The following TCF12 variants were observed in gnomAD, a reference collection of about 807,000 sequenced individuals.
TCF12 encodes DNA-binding protein HTF4.
In TCF12, 45 loss-of-function variants were observed where a neutral mutation model predicts 86.0. The observed-to-expected ratio is 0.52, with a 90% CI of 0.41 to 0.67. TCF12 has a LOEUF of 0.67. Ranked by LOEUF, TCF12 falls within the 30% of genes least tolerant of loss-of-function variation. TCF12 has a pLI of 0.00. For missense variants in TCF12, 881 were observed against 859.9 expected (o/e 1.02, Z -0.31); for synonymous variants, 330 against 299.6 (o/e 1.10, Z -1.05).
At chr15:57,238,082 T>A (rs1261509407) in intron 12 of TCF12, among the ~76,000 whole-genome samples, 1 of 152,218 alleles carries the variant, frequency 6.6e-6, no homozygotes, top group Non-Finnish European at 1.5e-5. Context: ...GTGACTGTGA[T>A]GGATGAGTGG....
At chr15:57,005,304 A>G (rs1293964457) in intron 3 of TCF12, among the ~76,000 whole-genome samples, 1 of 150,982 alleles carries the variant, frequency 6.6e-6, no homozygotes, top group Non-Finnish European at 1.5e-5. Flanking sequence ...TTAATCTCCC[A>G]GAAGAATTCT....
chr15:57,038,922 C>CGGGATAGATAGATGACTAGGCCT (rs2066700864), intron 3 of TCF12, among the ~76,000 whole-genome samples: 1 of 152,066 alleles, frequency 6.6e-6, no homozygotes, highest in Non-Finnish European at 1.5e-5. Flanking sequence ...TGAGGGGACA[C>CGGGATAGATAGATGACTAGGCCT]GGGATAGATA....
chr15:57,164,205 C>T (rs1425160557), intron 5 of TCF12, among the ~76,000 whole-genome samples: 1 of 152,172 alleles, frequency 6.6e-6, no homozygotes, highest in Non-Finnish European at 1.5e-5. Context: ...TGAGACTTAA[C>T]CTCCATTCTC....
chr15:57,233,476 C>T (rs1334300487), intron 11 of TCF12, among the ~76,000 whole-genome samples: 1 of 152,016 alleles, frequency 6.6e-6, no homozygotes, highest in African/African-American at 2.4e-5. Context: ...GCACACGTGG[C>T]CTCTTTTTTT....
chr15:57,015,385 C>T (rs1222466904), intron 3 of TCF12, among the ~76,000 whole-genome samples: 1 of 152,230 alleles, frequency 6.6e-6, no homozygotes, highest in African/African-American at 2.4e-5. Context: ...TTTTGGTTTT[C>T]ATTCCCCATA....
intron 13 of TCF12, among the ~76,000 whole-genome samples, chr15:57,249,797 C>T (rs1385324846): frequency 2.0e-5 from 3 of 152,116 alleles, no homozygotes; most frequent in African/African-American, 7.2e-5. Context: ...CAAATTGTCA[C>T]TGAAGCTTTT....
At position 56,972,339 on chromosome 15, in the gene TCF12, A is replaced by G. The variant is rs2062381081; in HGVS notation, c.148+51241A>G. 2.0e-5 allele frequency among the ~76,000 whole-genome samples: 3 copies of G among 152,236 alleles called. No individual in the cohort carries two copies. The South Asian group carries it at 6.2e-4, about 32-fold the overall frequency. ...TTCCAGCAATAAAATAATATGTATTATTTGTAATTGCAAAATACAGTTATA... is the reference window on the plus strand; with the variant it reads ...TTCCAGCAATAAAATAATATGTATTGTTTGTAATTGCAAAATACAGTTATA... On this transcript the variant is annotated intron_variant, in intron 3 of 20. Transcript: ENST00000333725.
At chr15:56,964,738 T>G (rs1024633301) in intron 3 of TCF12, among the ~76,000 whole-genome samples, 1 of 152,244 alleles carries the variant, frequency 6.6e-6, no homozygotes, top group African/African-American at 2.4e-5. Flanking sequence ...GTCAGAATTT[T>G]TGTACTCTTG....
intron 13 of TCF12, chr15:57,251,130 G>T: frequency 2.3e-6 from 1 of 437,266 alleles, no homozygotes; most frequent in South Asian, 3.8e-5. Context: ...TAAAATTACA[G>T]GGTTTTTTTT....
intron 8 of TCF12, among the ~76,000 whole-genome samples, chr15:57,227,756 T>A (rs2058956435): frequency 6.6e-6 from 1 of 152,088 alleles, no homozygotes; most frequent in Non-Finnish European, 1.5e-5. Flanking sequence ...GGAAAAGAGT[T>A]GGTCCCATGG....
At chr15:56,978,175 T>C (rs139685069) in intron 3 of TCF12, among the ~76,000 whole-genome samples, 65 of 152,360 alleles carry the variant, frequency 4.3e-4, no homozygotes, top group Non-Finnish European at 8.7e-4. Context: ...AATGATCATT[T>C]CTACTTTTCT....
At chr15:57,199,020 G>T (rs1239969012) in intron 8 of TCF12, among the ~76,000 whole-genome samples, 1 of 152,120 alleles carries the variant, frequency 6.6e-6, no homozygotes, top group Non-Finnish European at 1.5e-5. Flanking sequence ...GTTCCAGATG[G>T]ATCTGAGTTT....
chr15:57,067,132 A>G lies in TCF12; in HGVS notation c.222+3309A>G, dbSNP rs113703306. ...CCCTTGCTTTTACCAAATCCACCAG[A>G]AAAGTAGCCTCGCAGTTTAGAGGTG... is the stretch of plus-strand genomic sequence containing the variant. On this transcript the variant is annotated intron_variant, in intron 4 of 20. Coordinates refer to ENST00000333725, the MANE Select transcript of TCF12 (RefSeq NM_207037.2). 2.7e-3 allele frequency among the ~76,000 whole-genome samples: 412 copies of G among 152,310 alleles called. 1 individual carries two copies. Among genetic ancestry groups the G allele is most frequent in the South Asian group, 7.3e-3 (35 of 4,824 alleles).
chr15:56,963,883 A>T (rs918059813), intron 3 of TCF12, among the ~76,000 whole-genome samples: 1 of 152,362 alleles, frequency 6.6e-6, no homozygotes, highest in Non-Finnish European at 1.5e-5. Context: ...CTGGGAGAAC[A>T]TGAGATTGCT....
chr15:57,184,694 G>T (rs180892914), intron 6 of TCF12, among the ~76,000 whole-genome samples: 26 of 152,126 alleles, frequency 1.7e-4, no homozygotes, highest in Middle Eastern at 3.4e-3. Context: ...AGTGTACTAC[G>T]AGCCATATTC....
chr15:57,009,579 A>G (rs1367941004), intron 3 of TCF12, among the ~76,000 whole-genome samples: 1 of 152,162 alleles, frequency 6.6e-6, no homozygotes, highest in Non-Finnish European at 1.5e-5. Flanking sequence ...CATTTATTGA[A>G]TATTCTTCTT....
chr15:57,229,226 C>T (rs1421229565), intron 8 of TCF12, among the ~76,000 whole-genome samples: 1 of 151,910 alleles, frequency 6.6e-6, no homozygotes, highest in Non-Finnish European at 1.5e-5. Flanking sequence ...TCCTGAAAAC[C>T]TTATCTGCCT....
chr15:57,231,301 G>A (rs535982582), intron 9 of TCF12, 44 bp downstream of exon 9: 3 of 1,348,786 alleles, frequency 2.2e-6, no homozygotes, highest in East Asian at 2.3e-5. Flanking sequence ...GCAGTCATCT[G>A]TATATCAGCC....
chr15:57,005,877 T>C (rs2064342146), intron 3 of TCF12, among the ~76,000 whole-genome samples: 1 of 152,172 alleles, frequency 6.6e-6, no homozygotes, highest in South Asian at 2.1e-4. Context: ...GTCTGAGTAT[T>C]TTACGGAAGC....
Sources: allele counts gnomAD v4.1 joint callset (sites outside exome capture counted in the v4.1 genomes callset), GRCh38; gene constraint gnomAD v4.1.1; transcripts MANE v1.5; gene names NCBI Gene and HGNC (gene_info 2026-07-23, HGNC 2026-07-21).